Variants in PABPC4L observed in about 807,000 individuals in gnomAD.
PABPC4L encodes polyadenylate-binding protein 4-like.
For synonymous variants in PABPC4L, 169 were observed against 164.1 expected, an observed-to-expected ratio of 1.03 and a Z score of -0.23; for missense variants, 452 against 451.4, an observed-to-expected ratio of 1.00 and a Z score of -0.01.
At chr4:134,006,703 T>C in the PABPC4L span, among the ~76,000 whole-genome samples, 1 of 151,898 alleles carries the variant, frequency 6.6e-6, no homozygotes, top group African/African-American at 2.4e-5. Flanking sequence ...TGCTTATATT[T>C]ACGAGTCTAT....
chr4:134,196,985 T>C lies in PABPC4L; in HGVS notation c.*2922A>G, dbSNP rs1309050533. The C allele has an allele frequency of 6.6e-6, 1 of 151,776 alleles. No homozygotes were observed. Among genetic ancestry groups the C allele is most frequent in the Non-Finnish European group, 1.5e-5 (1 of 67,672 alleles). The allele number at this position is 151,776 out of a possible 1,614,324, so 9.4% of individuals were successfully genotyped here. A position where few individuals can be genotyped will look rare whatever the true frequency, so the allele number is the denominator to read the frequency against. On this transcript the variant is annotated 3_prime_UTR_variant, in exon 2 of 2. Transcript: ENST00000421491. Reference sequence around the variant, plus strand: ...CCTGATATTATCTTGAAAGATTATGTAAGCATTATCAAATATTGTTCAAAT... The same window carrying C: ...CCTGATATTATCTTGAAAGATTATGCAAGCATTATCAAATATTGTTCAAAT...
At chr4:134,135,026 C>T in the PABPC4L span, among the ~76,000 whole-genome samples, 25 of 152,052 alleles carry the variant, frequency 1.6e-4, no homozygotes, top group Non-Finnish European at 2.8e-4. Context: ...CAGAAAGCAA[C>T]GAGAACTAGC....
the PABPC4L span, among the ~76,000 whole-genome samples, chr4:134,154,835 C>T: frequency 5.3e-5 from 8 of 151,850 alleles, no homozygotes; most frequent in Non-Finnish European, 1.0e-4. Flanking sequence ...TTTTAAACTT[C>T]GCATTTAATC....
At chr4:134,095,089 C>G in the PABPC4L span, among the ~76,000 whole-genome samples, 1 of 151,656 alleles carries the variant, frequency 6.6e-6, no homozygotes, top group Non-Finnish European at 1.5e-5. Flanking sequence ...ACAGATTGTT[C>G]TTATAATGTT....
chr4:134,003,185 C>T, the PABPC4L span, among the ~76,000 whole-genome samples: 1 of 151,854 alleles, frequency 6.6e-6, no homozygotes, highest in Non-Finnish European at 1.5e-5. Flanking sequence ...CTCACAGTGT[C>T]CTTAACAAAT....
the PABPC4L span, among the ~76,000 whole-genome samples, chr4:133,975,932 C>G: frequency 6.6e-6 from 1 of 152,148 alleles, no homozygotes; most frequent in African/African-American, 2.4e-5. Flanking sequence ...TTCTGTCTCT[C>G]TCTCACACAA....
chr4:134,194,967 T>C (rs1053532949), downstream of PABPC4L, among the ~76,000 whole-genome samples: 8 of 151,798 alleles, frequency 5.3e-5, no homozygotes, highest in Non-Finnish European at 1.0e-4. Flanking sequence ...TTTACCAATA[T>C]CTTTTTAATT....
chr4:133,950,816 C>T, the PABPC4L span, among the ~76,000 whole-genome samples: 1 of 152,154 alleles, frequency 6.6e-6, no homozygotes, highest in Admixed American at 6.5e-5. Flanking sequence ...TTTATATGAA[C>T]TGTGTTACCT....
the PABPC4L span, among the ~76,000 whole-genome samples, chr4:134,038,670 T>G: frequency 2.0e-5 from 3 of 151,906 alleles, no homozygotes; most frequent in African/African-American, 7.2e-5. Flanking sequence ...TGGTGATATC[T>G]CCTTTATCAT....
chr4:134,102,098 C>A, the PABPC4L span, among the ~76,000 whole-genome samples: 13 of 151,192 alleles, frequency 8.6e-5, no homozygotes, highest in African/African-American at 2.7e-4. Flanking sequence ...AATGCCATTC[C>A]TCTCATTTAA....
At chr4:134,074,310 T>C in the PABPC4L span, among the ~76,000 whole-genome samples, 2 of 152,140 alleles carry the variant, frequency 1.3e-5, no homozygotes, top group Non-Finnish European at 2.9e-5. Context: ...CTCTAGTGCC[T>C]AACAAGTTCC....
the PABPC4L span, among the ~76,000 whole-genome samples, chr4:134,155,887 A>T: frequency 6.6e-6 from 1 of 152,150 alleles, no homozygotes; most frequent in South Asian, 2.1e-4. Context: ...GTTTCTAAGT[A>T]AGAAACAATA....
the PABPC4L span, among the ~76,000 whole-genome samples, chr4:134,087,863 C>T: frequency 2.6e-5 from 4 of 152,110 alleles, no homozygotes; most frequent in African/African-American, 9.7e-5. Context: ...TAGAGCAAGG[C>T]TTCTATGGCA....
At chr4:134,061,616 TACACAGAGAGAGAGAGAGAGAG>T in the PABPC4L span, among the ~76,000 whole-genome samples, 2 of 104,266 alleles carry the variant, frequency 1.9e-5, no homozygotes, top group African/African-American at 4.1e-5. Context: ...AACACAAACA[TACACAGAGAGAGAGAGAGAGAG>T]AGAGAGAGAG....
At chr4:133,976,209 C>T in the PABPC4L span, among the ~76,000 whole-genome samples, 7 of 151,958 alleles carry the variant, frequency 4.6e-5, no homozygotes, top group South Asian at 4.1e-4. Flanking sequence ...ATGTGGTGTT[C>T]GGTTTTCTGT....
Position 134,200,854 on chromosome 4 carries a change from C to G in PABPC4L, c.166G>C (p.Val56Leu). 1.3e-6 allele frequency: 2 copies of G among 1,569,380 alleles called. No individual in the cohort carries two copies. The highest frequency in any genetic ancestry group is 1.7e-6 in the Non-Finnish European group (2 of 1,156,832). ...GCATCAGCCAGCTGCAAGAAGTTCA[C>G]GTAGGCATAGCCCAGAGAGCGGCGG... is the stretch of plus-strand genomic sequence containing the variant. Reference protein sequence around the residue: ...VTRRSLGYAYVNFLQLADAQK... With the variant: ...VTRRSLGYAYLNFLQLADAQK... The change falls in exon 2 of 2, where the codon GTG becomes CTG. Residue 56 changes from valine (V) to leucine (L), a missense_variant. Physicochemically the swap from Val to Leu is conservative, Grantham distance 32. Coordinates refer to ENST00000421491, the MANE Select transcript of PABPC4L (RefSeq NM_001114734.2).
the PABPC4L span, among the ~76,000 whole-genome samples, chr4:134,041,879 A>T: frequency 6.6e-6 from 1 of 152,090 alleles, no homozygotes. Flanking sequence ...TTTCCCAAAC[A>T]ACTAAAAGTA....
At chr4:134,075,625 T>C in the PABPC4L span, among the ~76,000 whole-genome samples, 294 of 152,298 alleles carry the variant, frequency 1.9e-3, 1 homozygote, top group African/African-American at 6.7e-3. Context: ...TGTGATTTAA[T>C]ATAAGATGAC....
At chr4:134,094,294 C>T in the PABPC4L span, among the ~76,000 whole-genome samples, 8 of 151,818 alleles carry the variant, frequency 5.3e-5, no homozygotes, top group Admixed American at 2.6e-4. Flanking sequence ...ACAGCTGCCC[C>T]GCCCCATGCA....
Sources: gnomAD v4.1 joint callset for allele counts (sites outside exome capture counted in the v4.1 genomes callset) on GRCh38, gnomAD v4.1.1 for gene constraint, MANE v1.5 for transcripts, NCBI Gene and HGNC (gene_info 2026-07-23, HGNC 2026-07-21) for gene names.